LDLRAD3: variants seen among roughly 807,000 people sequenced by gnomAD.
The protein encoded by LDLRAD3 is low-density lipoprotein receptor class A domain-containing protein 3.
In LDLRAD3, 20 loss-of-function variants were observed where a neutral mutation model predicts 29.4. That is an observed-to-expected ratio of 0.68 (90% CI 0.48 to 0.99). LDLRAD3 has a LOEUF of 0.99. Among genes scored for constraint, LDLRAD3 ranks in the 50% least tolerant of loss-of-function variants. The probability of loss-of-function intolerance (pLI) is 0.00; values close to 1 mark genes in which losing one functional copy is unlikely to be tolerated. For synonymous variants in LDLRAD3, 157 were observed against 192.7 expected, an observed-to-expected ratio of 0.81 and a Z score of 1.53; for missense variants, 420 against 454.3, an observed-to-expected ratio of 0.92 and a Z score of 0.69.
At chr11:36,118,885 TTC>T (rs1853712594) in intron 4 of LDLRAD3, among the ~76,000 whole-genome samples, 1 of 151,958 alleles carries the variant, frequency 6.6e-6, no homozygotes, top group Admixed American at 6.5e-5. Context: ...CCAGTTTGAT[TTC>T]TGTTTCTATG....
intron 4 of LDLRAD3, among the ~76,000 whole-genome samples, chr11:36,171,183 A>T (rs1210734542): frequency 4.6e-5 from 7 of 152,022 alleles, no homozygotes; most frequent in Non-Finnish European, 1.0e-4. Flanking sequence ...TCCCTTGTAG[A>T]TTCTCGATAT....
chr11:35,972,312 G>A (rs1161696684), intron 1 of LDLRAD3: 1 of 152,202 alleles, frequency 6.6e-6, no homozygotes, highest in African/African-American at 2.4e-5. Context: ...ACACGGGCCA[G>A]GATTTAGGAG....
intron 4 of LDLRAD3, among the ~76,000 whole-genome samples, chr11:36,151,300 A>G (rs942663180): frequency 6.6e-6 from 1 of 152,082 alleles, no homozygotes; most frequent in Non-Finnish European, 1.5e-5. Context: ...TACACAATAC[A>G]CAGTATTGTG....
At chr11:36,101,266 G>GT (rs1035382813) in intron 4 of LDLRAD3, among the ~76,000 whole-genome samples, 1 of 152,190 alleles carries the variant, frequency 6.6e-6, no homozygotes, top group African/African-American at 2.4e-5. Flanking sequence ...CCCAAGAAGA[G>GT]TAACAAGAAC....
intron 1 of LDLRAD3, among the ~76,000 whole-genome samples, chr11:35,995,079 A>G (rs1403159829): frequency 1.3e-5 from 2 of 152,220 alleles, no homozygotes; most frequent in African/African-American, 4.8e-5. Flanking sequence ...CGAATCACAG[A>G]TGTTCTTAAT....
At chr11:36,157,974 A>G (rs1854378819) in intron 4 of LDLRAD3, among the ~76,000 whole-genome samples, 2 of 152,204 alleles carry the variant, frequency 1.3e-5, no homozygotes, top group Non-Finnish European at 2.9e-5. Flanking sequence ...TTTGGACCCC[A>G]ACCTACAATA....
intron 1 of LDLRAD3, among the ~76,000 whole-genome samples, chr11:35,986,066 G>A (rs528390150): frequency 1.1e-4 from 17 of 148,130 alleles, no homozygotes; most frequent in African/African-American, 2.6e-4. Flanking sequence ...GAATGCTGCC[G>A]TTGTTCATGA....
intron 4 of LDLRAD3, among the ~76,000 whole-genome samples, chr11:36,114,984 A>C (rs568868108): frequency 6.6e-6 from 1 of 152,190 alleles, no homozygotes; most frequent in Non-Finnish European, 1.5e-5. Context: ...AAATGATGCT[A>C]TGTGATTTCT....
At chr11:36,082,447 G>T (rs1853129642) in intron 3 of LDLRAD3, among the ~76,000 whole-genome samples, 1 of 152,224 alleles carries the variant, frequency 6.6e-6, no homozygotes, top group South Asian at 2.1e-4. Flanking sequence ...GGTCAAGGCT[G>T]CAGTGAGCTG....
At chr11:36,192,010 A>G (rs1320595218) in intron 4 of LDLRAD3, among the ~76,000 whole-genome samples, 1 of 152,190 alleles carries the variant, frequency 6.6e-6, no homozygotes, top group East Asian at 1.9e-4. Context: ...ACAAAGTAGC[A>G]TACAAGCATG....
At chr11:36,002,544 C>T (rs1851837735) in intron 1 of LDLRAD3, among the ~76,000 whole-genome samples, 2 of 152,162 alleles carry the variant, frequency 1.3e-5, no homozygotes, top group South Asian at 4.1e-4. Context: ...AACATCATCT[C>T]CCGGTGCTTT....
At chr11:36,002,280 G>T (rs1370473904) in intron 1 of LDLRAD3, among the ~76,000 whole-genome samples, 1 of 152,312 alleles carries the variant, frequency 6.6e-6, no homozygotes, top group African/African-American at 2.4e-5. Context: ...AAAATCCCCA[G>T]AAATTCCACA....
At chr11:36,143,849 A>G (rs929940847) in intron 4 of LDLRAD3, among the ~76,000 whole-genome samples, 1 of 151,822 alleles carries the variant, frequency 6.6e-6, no homozygotes, top group Non-Finnish European at 1.5e-5. Context: ...TAGCTTAATC[A>G]CTTCTCGAAA....
At position 36,229,467 on chromosome 11, in the gene LDLRAD3, C is replaced by T; in HGVS notation, c.*70C>T. The T allele has an allele frequency of 8.6e-7, 1 of 1,158,136 alleles. No individual in the cohort carries two copies. Among genetic ancestry groups the T allele is most frequent in the South Asian group, 1.3e-5 (1 of 75,426 alleles). 71.7% of individuals were successfully genotyped at this position (1,158,136 alleles called of 1,614,324 possible). A position where few individuals can be genotyped will look rare whatever the true frequency, so the allele number is the denominator to read the frequency against. ...TGTTGCCATTCTAACAATTTGTGCT[C>T]ATGGGAAGCTCTTTAAGCACCTGTA... On this transcript the variant is annotated 3_prime_UTR_variant, in exon 6 of 6. Coordinates refer to ENST00000315571, the MANE Select transcript of LDLRAD3 (RefSeq NM_174902.4).
chr11:36,012,411 C>G (rs1267184883), intron 1 of LDLRAD3, among the ~76,000 whole-genome samples: 1 of 152,128 alleles, frequency 6.6e-6, no homozygotes, highest in Non-Finnish European at 1.5e-5. Flanking sequence ...CCTTTCCTTA[C>G]TAAGTCGAGA....
chr11:36,224,627 A>T (rs574758415), intron 4 of LDLRAD3, among the ~76,000 whole-genome samples: 1 of 152,264 alleles, frequency 6.6e-6, no homozygotes, highest in African/African-American at 2.4e-5. Context: ...GCAATGAATC[A>T]TTGAAAGAGT....
intron 1 of LDLRAD3, among the ~76,000 whole-genome samples, chr11:36,030,834 A>C (rs1852227384): frequency 6.6e-6 from 1 of 152,218 alleles, no homozygotes; most frequent in African/African-American, 2.4e-5. Context: ...GAACAGCAGT[A>C]GGAGAGGAGA....
Position 36,213,433 on chromosome 11 carries a change from G to A in LDLRAD3, c.455-13652G>A, listed in dbSNP as rs771400787. Among the ~76,000 whole-genome samples, 4 of 152,234 alleles carry A rather than the reference G, an allele frequency of 2.6e-5. No homozygotes were observed. Among genetic ancestry groups the A allele is most frequent in the Admixed American group, 6.5e-5 (1 of 15,288 alleles). On this transcript the variant is annotated intron_variant, in intron 4 of 5. Coordinates refer to ENST00000315571, the MANE Select transcript of LDLRAD3 (RefSeq NM_174902.4). The surrounding 1 kb of genome is among the most constrained non-coding windows in gnomAD (Gnocchi z 4.1). Reference sequence around the variant, plus strand: ...CTTTTTCAATCCGCATCTAAATTGGGATGGGTGATGTGCTTGGAATAGGGA... The same window carrying A: ...CTTTTTCAATCCGCATCTAAATTGGAATGGGTGATGTGCTTGGAATAGGGA...
intron 4 of LDLRAD3, among the ~76,000 whole-genome samples, chr11:36,214,807 A>G (rs1193557703): frequency 6.6e-6 from 1 of 152,176 alleles, no homozygotes; most frequent in East Asian, 1.9e-4. Context: ...ATGGAGTCTC[A>G]TAGGAAAGAT....
Sources: gnomAD v4.1 joint callset for allele counts (sites outside exome capture counted in the v4.1 genomes callset) on GRCh38, gnomAD v4.1.1 for gene constraint, Gnocchi (gnomAD v3.1) non-coding constraint, MANE v1.5 for transcripts, NCBI Gene and HGNC (gene_info 2026-07-23, HGNC 2026-07-21) for gene names.